Variants in ANO3 observed in about 807,000 individuals in gnomAD.
ANO3 encodes anoctamin 3.
Under a neutral mutation model 144.8 loss-of-function variants are expected in ANO3, and 99 were observed. The ratio of observed to expected loss-of-function variants is 0.68; its 90% CI spans 0.58 to 0.81. The LOEUF (loss-of-function observed/expected upper bound fraction) is 0.81, where lower values mean the gene tolerates loss of function less well. Ranked by LOEUF, ANO3 falls within the 30% of genes least tolerant of loss-of-function variation. The probability of loss-of-function intolerance (pLI) is 0.00; values close to 1 mark genes in which losing one functional copy is unlikely to be tolerated. For missense variants in ANO3, 905 were observed against 1,202.2 expected (o/e 0.75, Z 3.66); for synonymous variants, 414 against 392.6 (o/e 1.05, Z -0.64).
intron 4 of ANO3, among the ~76,000 whole-genome samples, chr11:26,489,148 G>A (rs965055008): frequency 3.9e-5 from 6 of 152,152 alleles, no homozygotes; most frequent in Admixed American, 3.9e-4. Context: ...CTGGCCCAGG[G>A]ACCCTGTGCT....
At chr11:26,283,524 A>G (rs35531142) in intron 1 of ANO3, among the ~76,000 whole-genome samples, 9,068 of 151,430 alleles carry the variant, frequency 0.06, 509 homozygotes, top group African/African-American at 0.14. Context: ...ACAACATGAA[A>G]AGTAGTTCAT....
At chr11:26,636,829 A>G (rs751076337) in intron 20 of ANO3, among the ~76,000 whole-genome samples, 2 of 152,252 alleles carry the variant, frequency 1.3e-5, no homozygotes, top group Non-Finnish European at 2.9e-5. Flanking sequence ...GAGTAAGCAT[A>G]CTAAAGTAAG....
chr11:26,241,025 A>C (rs2133810962), intron 1 of ANO3, among the ~76,000 whole-genome samples: 1 of 152,266 alleles, frequency 6.6e-6, no homozygotes, highest in South Asian at 2.1e-4. Flanking sequence ...GGTGGGAGGT[A>C]ACTGAATCAT....
intron 10 of ANO3, among the ~76,000 whole-genome samples, chr11:26,538,061 T>G (rs958967025): frequency 1.1e-4 from 17 of 152,164 alleles, no homozygotes; most frequent in Non-Finnish European, 2.4e-4. Flanking sequence ...CTATCACACT[T>G]CTATTTATAA....
chr11:26,232,774 T>A (rs1852429681), intron 1 of ANO3, among the ~76,000 whole-genome samples: 1 of 152,086 alleles, frequency 6.6e-6, no homozygotes, highest in Non-Finnish European at 1.5e-5. Flanking sequence ...AAGCCAACAT[T>A]GACAAATGGG....
At chr11:26,508,070 C>T (rs753666731) in intron 4 of ANO3, 34 bp from the exon 5 acceptor site, 1 of 1,560,338 alleles carries the variant, frequency 6.4e-7, no homozygotes, top group East Asian at 2.4e-5. Context: ...GCTTGTCTAA[C>T]CCACACCATT....
intron 21 of ANO3, among the ~76,000 whole-genome samples, chr11:26,640,077 G>T (rs1853099076): frequency 6.6e-6 from 1 of 152,072 alleles, no homozygotes; most frequent in Non-Finnish European, 1.5e-5. Flanking sequence ...TCTGGGGGTT[G>T]TAGAAGTGAT....
intron 14 of ANO3, among the ~76,000 whole-genome samples, chr11:26,576,771 C>A (rs1850997659): frequency 6.6e-6 from 1 of 152,156 alleles, no homozygotes; most frequent in Admixed American, 6.6e-5. Context: ...ACGTTTTTGT[C>A]TGTTTTCTGC....
chr11:26,516,779 A>T, intron 5 of ANO3, 48 bp from the exon 6 acceptor site: 1 of 1,326,204 alleles, frequency 7.5e-7, no homozygotes, highest in Non-Finnish European at 1.1e-6. Flanking sequence ...GCATGATATC[A>T]TCAGCTCTGA....
At chr11:26,253,245 C>T (rs60724653) in intron 1 of ANO3, among the ~76,000 whole-genome samples, 2,789 of 152,206 alleles carry the variant, frequency 0.018, 69 homozygotes, top group East Asian at 0.12. Flanking sequence ...AACTCATGTC[C>T]TTTGCAGGGA....
chr11:26,591,417 G>A (rs1851449327), intron 14 of ANO3, among the ~76,000 whole-genome samples: 1 of 152,106 alleles, frequency 6.6e-6, no homozygotes, highest in Non-Finnish European at 1.5e-5. Flanking sequence ...CTGCATCTGG[G>A]GCTCCATTTG....
Position 26,661,489 on chromosome 11 carries a change from G to A in ANO3, c.*1045G>A, listed in dbSNP as rs755155571. ...AGGCCAGATGCTCTGCAACACTTAC[G>A]CTTTTTCAACAATGTGCACTCTTAC... On this transcript the variant is annotated 3_prime_UTR_variant, in exon 27 of 27. Coordinates refer to ENST00000256737, the MANE Select transcript of ANO3 (RefSeq NM_031418.4). 3 of 152,422 alleles carry A rather than the reference G, an allele frequency of 2.0e-5. No individual in the cohort carries two copies. Among genetic ancestry groups the A allele is most frequent in the East Asian group, 1.9e-4 (1 of 5,180 alleles). 9.4% of individuals were successfully genotyped at this position (152,422 alleles called of 1,614,324 possible).
At chr11:26,638,835 A>G (rs970394781) in intron 20 of ANO3, among the ~76,000 whole-genome samples, 16 of 152,218 alleles carry the variant, frequency 1.1e-4, no homozygotes, top group African/African-American at 3.9e-4. Flanking sequence ...GTTAATGGAT[A>G]TATAATATTC....
chr11:26,421,960 C>T (rs760951413), intron 1 of ANO3, among the ~76,000 whole-genome samples: 60 of 151,810 alleles, frequency 4.0e-4, no homozygotes, highest in Non-Finnish European at 5.5e-4. Context: ...GGTGGAGGGT[C>T]GGAGGAGGGA....
At chr11:26,283,926 C>T (rs1853742049) in intron 1 of ANO3, among the ~76,000 whole-genome samples, 1 of 152,154 alleles carries the variant, frequency 6.6e-6, no homozygotes, top group African/African-American at 2.4e-5. Context: ...CTGATACCTG[C>T]AAGATGCACC....
chr11:26,322,473 G>T (rs972157860), intron 1 of ANO3, among the ~76,000 whole-genome samples: 1 of 151,956 alleles, frequency 6.6e-6, no homozygotes, highest in Non-Finnish European at 1.5e-5. Context: ...ACATGCAGTT[G>T]TCATGTCTCT....
At chr11:26,328,795 A>C (rs2133885021), upstream of ANO3, among the ~76,000 whole-genome samples, 1 of 152,308 alleles carries the variant, frequency 6.6e-6, no homozygotes, top group South Asian at 2.1e-4. Flanking sequence ...GGGGGGTTGA[A>C]GATCTATGCA....
At chr11:26,630,876 A>G (rs1590654600) in intron 18 of ANO3, among the ~76,000 whole-genome samples, 2 of 152,132 alleles carry the variant, frequency 1.3e-5, no homozygotes, top group South Asian at 2.1e-4. Context: ...ATTTTCTGAA[A>G]CATACAAAAG....
At chr11:26,421,229 C>G (rs1156236241) in intron 1 of ANO3, among the ~76,000 whole-genome samples, 1 of 152,024 alleles carries the variant, frequency 6.6e-6, no homozygotes, top group Non-Finnish European at 1.5e-5. Context: ...ATTTTTATCA[C>G]TAGCAATAAT....
Sources: allele counts gnomAD v4.1 joint callset (sites outside exome capture counted in the v4.1 genomes callset), GRCh38; gene constraint gnomAD v4.1.1; transcripts MANE v1.5; gene names NCBI Gene and HGNC (gene_info 2026-07-23, HGNC 2026-07-21).